Variants in SYTL2 observed in about 807,000 individuals in gnomAD.
SYTL2 encodes synaptotagmin-like protein 2.
In SYTL2, 165 loss-of-function variants were observed where a neutral mutation model predicts 198.7. The ratio of observed to expected loss-of-function variants is 0.83; its 90% CI spans 0.73 to 0.94. The LOEUF is 0.94. Ranked by LOEUF, SYTL2 falls within the 40% of genes least tolerant of loss-of-function variation. SYTL2 has a pLI of 0.00. For synonymous variants in SYTL2, 966 were observed against 917.7 expected (o/e 1.05, Z -0.95); for missense variants, 2,835 against 2,582.8 (o/e 1.10, Z -2.12).
intron 1 of SYTL2, among the ~76,000 whole-genome samples, chr11:85,787,491 G>A (rs1224467897): frequency 6.6e-6 from 1 of 152,048 alleles, no homozygotes; most frequent in East Asian, 1.9e-4. Flanking sequence ...ATTTCCAGTG[G>A]CAAAGTAGTG....
At chr11:85,732,707 C>T (rs1332163146) in intron 7 of SYTL2, among the ~76,000 whole-genome samples, 2 of 152,010 alleles carry the variant, frequency 1.3e-5, no homozygotes, top group South Asian at 2.1e-4. Context: ...CAAACCTGCA[C>T]GTTCTTCACA....
At chr11:85,752,917 TAAAAAAAAAAAAAA>T (rs1162431708) in intron 2 of SYTL2, among the ~76,000 whole-genome samples, 328 of 17,724 alleles carry the variant, frequency 0.019, 7 homozygotes, top group African/African-American at 0.04. Flanking sequence ...CTGCCTTCAT[TAAAAAAAAAAAAAA>T]AAAAAAAAAA....
intron 18 of SYTL2, 173 bp from the exon 19 acceptor site, chr11:85,696,561 GAA>G: frequency 1.6e-6 from 1 of 614,196 alleles, no homozygotes; most frequent in Non-Finnish European, 2.9e-6. Flanking sequence ...ACATCATGCT[GAA>G]AAGACTCTGG....
Position 85,757,900 on chromosome 11 carries a change from T to G in SYTL2, c.-175A>C. On this transcript the variant is annotated 5_prime_UTR_variant, in exon 2 of 20. Transcript: ENST00000359152. ...AAGTTTAGGGCAGCTGATAGCAAGA[T>G]CCTAAGTGCTCTTTCCCATGAGGAA... 1 of 752,436 alleles carries G rather than the reference T, an allele frequency of 1.3e-6. No individual in the cohort carries two copies. The allele number at this position is 752,436 out of a possible 1,614,324, so 46.6% of individuals were successfully genotyped here. A position where few individuals can be genotyped will look rare whatever the true frequency, so the allele number is the denominator to read the frequency against.
Position 85,727,188 on chromosome 11 carries a change from C to G in SYTL2, c.2170G>C (p.Gly724Arg). The change falls in exon 8 of 20, where the codon GGT (glycine) becomes CGT (arginine). Residue 724 changes from glycine to arginine, a missense_variant. By Grantham distance (125) the Gly-to-Arg change is moderately radical. This residue lies in a region of SYTL2 where 2,645 missense variants were observed against 2,381.7 expected (regional missense o/e 1.11). Coordinates refer to ENST00000359152, the MANE Select transcript of SYTL2 (RefSeq NM_206927.4). ...TCTGCATTCATGTTATCTTTCAAAC[C>G]TGGTTCTTTGACAACTGTTGAAGAG... ...FDSSTVVKEPGLKDNMNAERK... is the reference protein window; with the variant it reads ...FDSSTVVKEPRLKDNMNAERK... The G allele has an allele frequency of 6.5e-7, 1 of 1,536,466 alleles. No homozygotes were observed. The highest frequency in any genetic ancestry group is 8.7e-7 in the Non-Finnish European group (1 of 1,146,968).
intron 12 of SYTL2, among the ~76,000 whole-genome samples, chr11:85,712,243 C>A (rs1047093946): frequency 1.3e-5 from 2 of 152,180 alleles, no homozygotes; most frequent in Non-Finnish European, 2.9e-5. Flanking sequence ...GGATAAGAAT[C>A]CTTTCTCAAG....
chr11:85,758,317 C>G (rs1421427103), intron 1 of SYTL2, among the ~76,000 whole-genome samples: 1 of 152,090 alleles, frequency 6.6e-6, no homozygotes, highest in Non-Finnish European at 1.5e-5. Flanking sequence ...GGAGAACCCA[C>G]AAAAATGCCT....
At chr11:85,743,069 G>C (rs937725370) in intron 4 of SYTL2, among the ~76,000 whole-genome samples, 2 of 152,196 alleles carry the variant, frequency 1.3e-5, no homozygotes, top group East Asian at 3.8e-4. Flanking sequence ...TGTTGCCACA[G>C]AGCCTATTAG....
At chr11:85,707,585 A>C in intron 14 of SYTL2, 54 bp from the exon 15 acceptor site, 2 of 1,187,452 alleles carry the variant, frequency 1.7e-6, no homozygotes, top group Non-Finnish European at 2.5e-6. Flanking sequence ...TTATGTTTCC[A>C]CCTCTAGTTT....
At chr11:85,837,876 A>C in the SYTL2 span, among the ~76,000 whole-genome samples, 1 of 152,140 alleles carries the variant, frequency 6.6e-6, no homozygotes, top group Non-Finnish European at 1.5e-5. Context: ...ACGCTTTCTC[A>C]ATCTCAGTAC....
chr11:85,774,461 A>G (rs1231233289), intron 1 of SYTL2, among the ~76,000 whole-genome samples: 1 of 152,218 alleles, frequency 6.6e-6, no homozygotes, highest in Non-Finnish European at 1.5e-5. Flanking sequence ...AGGTGGAAGA[A>G]AAGGCCAGGT....
At chr11:85,787,701 C>CTTTTTTTTTTTTT (rs56177666) in intron 1 of SYTL2, among the ~76,000 whole-genome samples, 14 of 90,394 alleles carry the variant, frequency 1.5e-4, no homozygotes, top group Non-Finnish European at 2.7e-4. Flanking sequence ...TTTTCTTTTC[C>CTTTTTTTTTTTTT]TTTTTTTTTT....
At position 85,711,244 on chromosome 11, in the gene SYTL2, C is replaced by CAT. The variant is rs1181341647; in HGVS notation, c.5626-14_5626-13dup. 3.7e-6 allele frequency: 6 copies of CAT among 1,610,582 alleles called. No homozygotes were observed. The highest frequency in any genetic ancestry group is 5.1e-6 in the Non-Finnish European group (6 of 1,178,624). On this transcript the variant is annotated splice_polypyrimidine_tract_variant and intron_variant, in intron 12 of 19. Transcript: ENST00000359152. ...TCTCTGTCATCACTCTACAAAACAGCATATAATATGCACAATATTTAAATT... is the reference window on the plus strand; with the variant it reads ...TCTCTGTCATCACTCTACAAAACAGCATATATAATATGCACAATATTTAAATT...
At chr11:85,709,555 A>C in intron 13 of SYTL2, 55 bp from the exon 14 acceptor site, 1 of 1,533,982 alleles carries the variant, frequency 6.5e-7, no homozygotes. Context: ...TAAACCTAGC[A>C]CAAGGATCAT....
At chr11:85,708,041 T>C (rs2085517449) in intron 14 of SYTL2, 1 of 369,276 alleles carries the variant, frequency 2.7e-6, no homozygotes, top group Non-Finnish European at 5.2e-6. Context: ...TGCATGCCTG[T>C]AATTCCAGCT....
At chr11:85,833,154 GGAAAGAAAGAAA>G in the SYTL2 span, among the ~76,000 whole-genome samples, 1,488 of 55,644 alleles carry the variant, frequency 0.027, 127 homozygotes, top group African/African-American at 0.1. Flanking sequence ...AAGGAAGGAA[GGAAAGAAAGAAA>G]GAAAGAAAGA....
At position 85,757,732 on chromosome 11, in the gene SYTL2, A is replaced by C. The variant is rs759242846; in HGVS notation, c.-7T>G. 2 of 1,610,934 alleles carry C rather than the reference A, an allele frequency of 1.2e-6. No individual in the cohort carries two copies. The highest frequency in any genetic ancestry group is 4.5e-5 in the East Asian group (2 of 44,898). On this transcript the variant is annotated 5_prime_UTR_variant, in exon 2 of 20. Transcript: ENST00000359152. Reference sequence around the variant, plus strand: ...GGAAGCTTAAGTCAATCATTTTGAAAAGTGCATGCAAAAATAATAGCAACA... The same window carrying C: ...GGAAGCTTAAGTCAATCATTTTGAACAGTGCATGCAAAAATAATAGCAACA...
At chr11:85,829,949 T>C in the SYTL2 span, among the ~76,000 whole-genome samples, 1 of 152,250 alleles carries the variant, frequency 6.6e-6, no homozygotes, top group South Asian at 2.1e-4. Context: ...CTTCTCATTT[T>C]ACAGATTGGA....
rs754792910 is a variant in SYTL2 at position 85,727,879 on chromosome 11, G to A, written c.1479C>T (p.Leu493=). The stretch of plus-strand genomic sequence containing the variant: ...AAGATGTCTTAGCTTTTAGAGCCGG[G>A]AGAGGAGGGGGCTTACCTTGCTGAC... ...RDRQQGKPPP[L]PALKAKTSSR... The change falls in exon 8 of 20, where the codon CTC becomes CTT. Residue 493 remains leucine (L), a synonymous_variant. Transcript: ENST00000359152. 138 of 1,613,532 alleles carry A rather than the reference G, an allele frequency of 8.6e-5. No individual in the cohort carries two copies. Among genetic ancestry groups the A allele is most frequent in the Non-Finnish European group, 1.1e-4 (125 of 1,179,864 alleles).
Sources: allele counts gnomAD v4.1 joint callset (sites outside exome capture counted in the v4.1 genomes callset), GRCh38; gene constraint gnomAD v4.1.1; regional missense constraint gnomAD v4.1.1; transcripts MANE v1.5; gene names NCBI Gene and HGNC (gene_info 2026-07-23, HGNC 2026-07-21).